The following LMAN2L variants were observed in gnomAD, a reference collection of about 807,000 sequenced individuals.
LMAN2L encodes the protein lectin, mannose binding 2 like.
In LMAN2L, 30 loss-of-function variants were observed where a neutral mutation model predicts 44.3. The observed-to-expected ratio is 0.68, with a 90% confidence interval of 0.51 to 0.92. The LOEUF is 0.92. LMAN2L is among the 40% of genes least tolerant of loss of function. The pLI is 0.00. For missense variants in LMAN2L, 429 were observed against 446.1 expected (o/e 0.96, Z 0.35); for synonymous variants, 183 against 171.1 (o/e 1.07, Z -0.54).
Position 96,734,524 on chromosome 2 carries a change from T to C in LMAN2L, c.309A>G (p.Pro103=), listed in dbSNP as rs200437345. Residue 103 remains proline, a splice_region_variant and synonymous_variant, in exon 3 of 8, where the codon CCA becomes CCG. Transcript: ENST00000264963. ...GCAACTCCCAGTCTCTCAGGAAACATGGCTAAAGTGAGAAAGACATTAGAA... is the reference window on the plus strand; with the variant it reads ...GCAACTCCCAGTCTCTCAGGAAACACGGCTAAAGTGAGAAAGACATTAGAA... ...SKQGALWNRV[P]CFLRDWELQV... 26 of 1,585,786 alleles carry C rather than the reference T, an allele frequency of 1.6e-5. No individual in the cohort carries two copies. The Admixed American group carries it at 2.0e-4, about 12-fold the overall frequency.
intron 4 of LMAN2L, among the ~76,000 whole-genome samples, chr2:96,728,625 T>C (rs1022441946): frequency 2.6e-5 from 4 of 151,964 alleles, no homozygotes; most frequent in Non-Finnish European, 5.9e-5. Flanking sequence ...GGTAGATTAC[T>C]TGAAGTCTGG....
chr2:96,732,724 A>G (rs1016792756), intron 4 of LMAN2L, among the ~76,000 whole-genome samples: 1 of 151,160 alleles, frequency 6.6e-6, no homozygotes, highest in African/African-American at 2.4e-5. Flanking sequence ...CAACAGCCAG[A>G]TACTAGGTTC....
chr2:96,724,547 T>C (rs1292679501), intron 4 of LMAN2L, among the ~76,000 whole-genome samples: 2 of 152,198 alleles, frequency 1.3e-5, no homozygotes, highest in African/African-American at 4.8e-5. Flanking sequence ...GCTCTGTTAC[T>C]GAGGCTAGAG....
Position 96,733,559 on chromosome 2 carries a change from A to T in LMAN2L, c.467T>A (p.Val156Glu). 1 of 1,613,862 alleles carries T rather than the reference A, an allele frequency of 6.2e-7. No homozygotes were observed. Residue 156 changes from valine to glutamate, a missense_variant, in exon 4 of 8, where the codon GTA (valine) becomes GAA (glutamate). Physicochemically the swap from Val to Glu is moderately radical, Grantham distance 121 (BLOSUM62 -2). Coordinates refer to ENST00000264963, the MANE Select transcript of LMAN2L (RefSeq NM_030805.4). ...GNMDKFVGLG[V>E]FVDTYPNEEK... ...CTCATTGGGGTAGGTGTCTACAAAT[A>T]CTCCCAGCCCCACAAATTTGTCCAT...
At chr2:96,735,028 G>C (rs1157933731) in intron 2 of LMAN2L, among the ~76,000 whole-genome samples, 7 of 152,192 alleles carry the variant, frequency 4.6e-5, no homozygotes, top group Non-Finnish European at 1.0e-4. Flanking sequence ...ATAATTAGCA[G>C]ATACTACAAA....
At chr2:96,738,899 C>G (rs1319906211) in intron 1 of LMAN2L, among the ~76,000 whole-genome samples, 2 of 152,130 alleles carry the variant, frequency 1.3e-5, no homozygotes, top group Non-Finnish European at 2.9e-5. Context: ...CGCCACCACA[C>G]CTGGCTAATT....
intron 4 of LMAN2L, among the ~76,000 whole-genome samples, chr2:96,730,187 A>C (rs1205735347): frequency 6.6e-6 from 1 of 152,224 alleles, no homozygotes; most frequent in Non-Finnish European, 1.5e-5. Context: ...CAGAGTTTGA[A>C]CAATTTGTTT....
At chr2:96,725,904 G>A (rs1032104841) in intron 4 of LMAN2L, among the ~76,000 whole-genome samples, 6 of 151,594 alleles carry the variant, frequency 4.0e-5, no homozygotes, top group African/African-American at 7.3e-5. Flanking sequence ...GGAGGCCGAG[G>A]CAGGTGATCA....
At chr2:96,727,548 T>C (rs2078296445) in intron 4 of LMAN2L, among the ~76,000 whole-genome samples, 1 of 152,204 alleles carries the variant, frequency 6.6e-6, no homozygotes, top group Non-Finnish European at 1.5e-5. Flanking sequence ...GGTAGGAGGA[T>C]TGAGCCTATA....
At chr2:96,709,758 G>A (rs1201753804) in intron 6 of LMAN2L, among the ~76,000 whole-genome samples, 1 of 152,178 alleles carries the variant, frequency 6.6e-6, no homozygotes, top group Non-Finnish European at 1.5e-5. Context: ...ACAAGTAAGA[G>A]GATGGCAACA....
chr2:96,733,686 G>A (rs1404516224), intron 3 of LMAN2L, 85 bp from the exon 4 acceptor site: 5 of 1,137,966 alleles, frequency 4.4e-6, no homozygotes, highest in Non-Finnish European at 6.5e-6. Context: ...GGAGGAAAAA[G>A]TAAAATTCAA....
chr2:96,714,941 TTTTG>T (rs1190502383), intron 4 of LMAN2L, among the ~76,000 whole-genome samples: 3 of 151,992 alleles, frequency 2.0e-5, no homozygotes, highest in South Asian at 2.1e-4. Context: ...CAGGATTGTT[TTTTG>T]TTTGTTTTTT....
At chr2:96,710,290 T>C (rs1213733212) in intron 6 of LMAN2L, among the ~76,000 whole-genome samples, 2 of 152,212 alleles carry the variant, frequency 1.3e-5, no homozygotes, top group Non-Finnish European at 2.9e-5. Flanking sequence ...ATTCTTCTGT[T>C]GTATGGAAAG....
chr2:96,730,812 C>T (rs1001188283), intron 4 of LMAN2L, among the ~76,000 whole-genome samples: 1 of 152,104 alleles, frequency 6.6e-6, no homozygotes, highest in Non-Finnish European at 1.5e-5. Context: ...GTAGCTGGGA[C>T]TACAGAAGCA....
intron 7 of LMAN2L, 24 bp downstream of exon 7, chr2:96,707,690 T>G (rs757221659): frequency 6.2e-7 from 1 of 1,613,284 alleles, no homozygotes; most frequent in South Asian, 1.1e-5. Context: ...TATGGGACCA[T>G]TTCCCGCGGG....
chr2:96,731,599 G>A (rs1269765258), intron 4 of LMAN2L, among the ~76,000 whole-genome samples: 3 of 151,930 alleles, frequency 2.0e-5, no homozygotes, highest in African/African-American at 4.8e-5. Flanking sequence ...GCAGTGAGCC[G>A]AGATTGCACC....
At chr2:96,709,543 T>C (rs886958194) in intron 6 of LMAN2L, among the ~76,000 whole-genome samples, 4 of 152,356 alleles carry the variant, frequency 2.6e-5, no homozygotes, top group Admixed American at 6.5e-5. Flanking sequence ...CTGCTTGGAC[T>C]GCTAGAATCT....
At chr2:96,732,536 C>T (rs867484373) in intron 4 of LMAN2L, among the ~76,000 whole-genome samples, 10 of 151,198 alleles carry the variant, frequency 6.6e-5, no homozygotes, top group Non-Finnish European at 1.3e-4. Flanking sequence ...CCCAGCTACG[C>T]GGGAGGCTGA....
intron 4 of LMAN2L, among the ~76,000 whole-genome samples, chr2:96,726,900 AT>A (rs2078283446): frequency 6.6e-6 from 1 of 152,060 alleles, no homozygotes; most frequent in African/African-American, 2.4e-5. Context: ...CCTGATCAAC[AT>A]GGTGAAACCC....
Sources: gnomAD v4.1 joint callset for allele counts (sites outside exome capture counted in the v4.1 genomes callset) on GRCh38, gnomAD v4.1.1 for gene constraint, MANE v1.5 for transcripts, NCBI Gene and HGNC (gene_info 2026-07-23, HGNC 2026-07-21) for gene names.